The following POU6F2 variants were observed in gnomAD, a reference collection of about 807,000 sequenced individuals.
The protein encoded by POU6F2 is POU class 6 homeobox 2, also known as POU domain, class 6, transcription factor 2.
In POU6F2, 31 loss-of-function variants were observed where a neutral mutation model predicts 71.3. That is an observed-to-expected ratio of 0.43 (90% CI 0.33 to 0.59). The LOEUF is 0.59. POU6F2 is among the 20% of genes least tolerant of loss of function. The probability of loss-of-function intolerance (pLI) is 0.04; values close to 1 mark genes in which losing one functional copy is unlikely to be tolerated. For synonymous variants in POU6F2, 347 were observed against 355.7 expected (o/e 0.98, Z 0.27); for missense variants, 783 against 856.8 (o/e 0.91, Z 1.07).
chr7:39,010,200 A>C (rs1177994082), intron 1 of POU6F2, among the ~76,000 whole-genome samples: 112 of 134,010 alleles, frequency 8.4e-4, no homozygotes, highest in Middle Eastern at 3.8e-3. Flanking sequence ...ACAATTTCAG[A>C]TCCTGTTATT....
At chr7:38,997,892 A>T (rs1788783466) in intron 1 of POU6F2, among the ~76,000 whole-genome samples, 1 of 152,060 alleles carries the variant, frequency 6.6e-6, no homozygotes, top group Non-Finnish European at 1.5e-5. Context: ...CAGACCCAAG[A>T]CCCTTGTTTT....
intron 2 of POU6F2, among the ~76,000 whole-genome samples, chr7:39,189,261 A>C (rs1793607808): frequency 6.6e-6 from 1 of 152,244 alleles, no homozygotes; most frequent in South Asian, 2.1e-4. Context: ...GAAGACAGAC[A>C]AAAAACCAAC....
intron 2 of POU6F2, among the ~76,000 whole-genome samples, chr7:39,148,957 G>C (rs1238942636): frequency 6.6e-6 from 1 of 152,174 alleles, no homozygotes; most frequent in Non-Finnish European, 1.5e-5. Flanking sequence ...GGAAGGATGA[G>C]GGCATACTTT....
chr7:39,251,180 T>G (rs902158523), intron 4 of POU6F2, among the ~76,000 whole-genome samples: 2 of 152,212 alleles, frequency 1.3e-5, no homozygotes, highest in Non-Finnish European at 2.9e-5. Flanking sequence ...AGATATGGGC[T>G]CTATCATTTT....
chr7:39,143,192 C>G (rs371005152), intron 2 of POU6F2, among the ~76,000 whole-genome samples: 1 of 152,134 alleles, frequency 6.6e-6, no homozygotes, highest in Non-Finnish European at 1.5e-5. Flanking sequence ...CAAGTTGGTC[C>G]TCATAATGGT....
At chr7:39,249,762 C>T (rs142920129) in intron 4 of POU6F2, among the ~76,000 whole-genome samples, 2,378 of 152,274 alleles carry the variant, frequency 0.016, 23 homozygotes, top group Non-Finnish European at 0.024. Flanking sequence ...CTCTAATACA[C>T]TCGATTCCTT....
intron 1 of POU6F2, among the ~76,000 whole-genome samples, chr7:39,078,880 T>C (rs191574511): frequency 5.9e-5 from 9 of 152,162 alleles, no homozygotes; most frequent in Admixed American, 3.3e-4. Flanking sequence ...AAAGGCGCCA[T>C]TGCACTCCAG....
chr7:39,381,089 A>G (rs1288374008), intron 5 of POU6F2, among the ~76,000 whole-genome samples: 1 of 152,018 alleles, frequency 6.6e-6, no homozygotes, highest in Non-Finnish European at 1.5e-5. Flanking sequence ...ACAGAGTCTC[A>G]CTCACTCTGT....
intron 1 of POU6F2, among the ~76,000 whole-genome samples, chr7:38,993,611 A>AAC (rs10553247): frequency 0.043 from 5,592 of 130,510 alleles, 328 homozygotes; most frequent in African/African-American, 0.13. Context: ...CAGGATTTTA[A>AAC]ACACACACAC....
chr7:39,006,875 G>A, intron 1 of POU6F2: 4 of 1,613,184 alleles, frequency 2.5e-6, no homozygotes, highest in Non-Finnish European at 2.5e-6. Context: ...CAGGTATTTT[G>A]TTGATTTTTC....
chr7:38,990,087 C>T (rs1208116576), intron 1 of POU6F2, among the ~76,000 whole-genome samples: 1 of 152,024 alleles, frequency 6.6e-6, no homozygotes, highest in African/African-American at 2.4e-5. Context: ...TTTCTCCATC[C>T]ATTCTTCACA....
intron 2 of POU6F2, among the ~76,000 whole-genome samples, chr7:39,166,005 G>A (rs1793105399): frequency 1.3e-5 from 2 of 152,168 alleles, no homozygotes; most frequent in Middle Eastern, 6.8e-3. Flanking sequence ...CCTACTCTAG[G>A]ATGTTTAACA....
chr7:39,110,072 A>G (rs1394769761), intron 2 of POU6F2, among the ~76,000 whole-genome samples: 1 of 152,094 alleles, frequency 6.6e-6, no homozygotes, highest in Non-Finnish European at 1.5e-5. Context: ...GGAGTTTGAG[A>G]CCATCCTGGC....
intron 1 of POU6F2, among the ~76,000 whole-genome samples, chr7:38,990,395 C>A (rs1788573950): frequency 6.6e-6 from 1 of 152,056 alleles, no homozygotes; most frequent in Non-Finnish European, 1.5e-5. Flanking sequence ...AGAGAACTTT[C>A]TTTCTACTTA....
intron 5 of POU6F2, among the ~76,000 whole-genome samples, chr7:39,364,692 C>G (rs568388943): frequency 2.0e-5 from 3 of 152,188 alleles, no homozygotes; most frequent in Non-Finnish European, 4.4e-5. Flanking sequence ...GGTGGTTCCA[C>G]GTTTATGCAA....
chr7:39,094,289 A>G (rs1451670986), intron 2 of POU6F2, among the ~76,000 whole-genome samples: 1 of 152,164 alleles, frequency 6.6e-6, no homozygotes, highest in Non-Finnish European at 1.5e-5. Context: ...TAGAAAATAT[A>G]TGTATTTTTA....
intron 5 of POU6F2, among the ~76,000 whole-genome samples, chr7:39,386,959 G>A (rs1050802835): frequency 1.3e-5 from 2 of 152,278 alleles, no homozygotes; most frequent in East Asian, 3.9e-4. Context: ...CTGAAAGTGG[G>A]GCAGAAACAG....
At chr7:39,285,226 C>T (rs1278621352) in intron 4 of POU6F2, among the ~76,000 whole-genome samples, 1 of 152,184 alleles carries the variant, frequency 6.6e-6, no homozygotes, top group Non-Finnish European at 1.5e-5. Context: ...TCTTCTATCA[C>T]CTGTAATATA....
At chr7:39,164,233 T>G (rs1057259797) in intron 2 of POU6F2, among the ~76,000 whole-genome samples, 5 of 151,678 alleles carry the variant, frequency 3.3e-5, no homozygotes, top group African/African-American at 1.2e-4. Flanking sequence ...AAAAAATAAA[T>G]AATAGTAAGT....
Sources: gnomAD v4.1 joint callset for allele counts (sites outside exome capture counted in the v4.1 genomes callset) on GRCh38, gnomAD v4.1.1 for gene constraint, MANE v1.5 for transcripts, NCBI Gene and HGNC (gene_info 2026-07-23, HGNC 2026-07-21) for gene names.